Variants in SDK1 observed in about 807,000 individuals in gnomAD.
SDK1 encodes the protein protein sidekick-1.
SDK1 carries 157 observed loss-of-function variants against 245.5 expected under a neutral mutation model. The observed-to-expected ratio is 0.64, with a 90% CI of 0.56 to 0.73. SDK1 has a LOEUF of 0.73. SDK1 is among the 30% of genes least tolerant of loss of function. The probability of loss-of-function intolerance (pLI) is 0.00; values close to 1 mark genes in which losing one functional copy is unlikely to be tolerated. For synonymous variants in SDK1, 1,647 were observed against 1,278.5 expected (o/e 1.29, Z -6.15); for missense variants, 3,583 against 3,002.3 (o/e 1.19, Z -4.52).
chr7:3,794,146 T>G (rs1778904128), intron 4 of SDK1, among the ~76,000 whole-genome samples: 1 of 152,180 alleles, frequency 6.6e-6, no homozygotes, highest in African/African-American at 2.4e-5. Context: ...ATGAGGTATT[T>G]CAGATATGCA....
At chr7:3,898,527 G>A (rs1252078152) in intron 5 of SDK1, among the ~76,000 whole-genome samples, 2 of 152,062 alleles carry the variant, frequency 1.3e-5, no homozygotes, top group Admixed American at 6.6e-5. Context: ...TTTCTGATTG[G>A]TTTTAGACTC....
chr7:3,564,839 A>G (rs1322800055), intron 1 of SDK1, among the ~76,000 whole-genome samples: 1 of 152,064 alleles, frequency 6.6e-6, no homozygotes, highest in East Asian at 1.9e-4. Context: ...ATGTTCAGCA[A>G]TTTTCTGAAG....
At chr7:3,367,520 C>G (rs910321883) in intron 1 of SDK1, among the ~76,000 whole-genome samples, 3 of 152,198 alleles carry the variant, frequency 2.0e-5, no homozygotes, top group African/African-American at 7.2e-5. Context: ...CTATCCCATA[C>G]TTGTCATTTG....
At chr7:3,477,993 G>A (rs576465784) in intron 1 of SDK1, among the ~76,000 whole-genome samples, 1 of 152,154 alleles carries the variant, frequency 6.6e-6, no homozygotes, top group Admixed American at 6.5e-5. Context: ...TTTCCCATAT[G>A]TATTGAATTA....
intron 5 of SDK1, among the ~76,000 whole-genome samples, chr7:3,849,086 C>G (rs1780354343): frequency 6.6e-6 from 1 of 152,192 alleles, no homozygotes; most frequent in South Asian, 2.1e-4. Context: ...CGTCCTTTCT[C>G]TGTTTAGAGT....
intron 1 of SDK1, among the ~76,000 whole-genome samples, chr7:3,320,840 G>C (rs139808998): frequency 6.6e-6 from 1 of 152,042 alleles, no homozygotes. Flanking sequence ...AACAATTTTG[G>C]TATGTTTCAG....
chr7:3,349,195 A>AAC (rs968094559), intron 1 of SDK1, among the ~76,000 whole-genome samples: 2 of 151,314 alleles, frequency 1.3e-5, no homozygotes, highest in South Asian at 2.1e-4. Context: ...GTTTAAAAAA[A>AAC]AACAACAAAA....
intron 26 of SDK1, among the ~76,000 whole-genome samples, chr7:4,128,803 C>G (rs1317646780): frequency 3.9e-3 from 212 of 54,284 alleles, no homozygotes; most frequent in Non-Finnish European, 5.1e-3. Flanking sequence ...GAGGAGAGCA[C>G]CTTGGGGTAG....
intron 5 of SDK1, among the ~76,000 whole-genome samples, chr7:3,851,518 T>C (rs535876667): frequency 6.6e-6 from 1 of 152,204 alleles, no homozygotes; most frequent in Non-Finnish European, 1.5e-5. Flanking sequence ...TTAGCTATAT[T>C]TTGAAAATAC....
At chr7:3,662,767 A>G (rs1056464336) in intron 4 of SDK1, among the ~76,000 whole-genome samples, 11 of 152,198 alleles carry the variant, frequency 7.2e-5, no homozygotes, top group African/African-American at 1.7e-4. Context: ...TGAAATTTCA[A>G]ATGCTTCAAA....
intron 13 of SDK1, among the ~76,000 whole-genome samples, chr7:3,979,011 G>A (rs2128136058): frequency 6.6e-6 from 1 of 152,342 alleles, no homozygotes; most frequent in South Asian, 2.1e-4. Flanking sequence ...AGGCTGAGTG[G>A]AGGGGCGGCC....
intron 1 of SDK1, among the ~76,000 whole-genome samples, chr7:3,613,290 G>C (rs552171657): frequency 2.0e-5 from 3 of 152,278 alleles, no homozygotes; most frequent in Admixed American, 6.5e-5. Flanking sequence ...AGATAGATGG[G>C]TCATGGTCCC....
chr7:4,227,165 A>T lies in SDK1; in HGVS notation c.5827+5801A>T, dbSNP rs545730154. On this transcript the variant is annotated intron_variant, in intron 40 of 44. Transcript: ENST00000404826. ...AGGAAGAAAATCAGTATTTCTCTGAAGGTTTGACATCCATAGAAGTTCCAA... is the reference window on the plus strand; with the variant it reads ...AGGAAGAAAATCAGTATTTCTCTGATGGTTTGACATCCATAGAAGTTCCAA... The T allele has an allele frequency of 1.6e-4, 48 of 299,398 alleles. No homozygotes were observed. In the Admixed American group the frequency reaches 1.6e-3, roughly 10 times the overall value. 18.5% of individuals were successfully genotyped at this position (299,398 alleles called of 1,614,324 possible). A position where few individuals can be genotyped will look rare whatever the true frequency, so the allele number is the denominator to read the frequency against.
At chr7:4,150,845 G>A (rs551959539) in intron 30 of SDK1, among the ~76,000 whole-genome samples, 1 of 152,358 alleles carries the variant, frequency 6.6e-6, no homozygotes, top group South Asian at 2.1e-4. Flanking sequence ...TGAGGACCAG[G>A]CCCATGACAG....
At chr7:3,898,268 C>T (rs950438104) in intron 5 of SDK1, among the ~76,000 whole-genome samples, 3 of 152,126 alleles carry the variant, frequency 2.0e-5, no homozygotes, top group East Asian at 1.9e-4. Flanking sequence ...ACCTGAGAGT[C>T]GGGCACAGTT....
intron 5 of SDK1, among the ~76,000 whole-genome samples, chr7:3,846,193 C>G (rs1780274155): frequency 6.6e-6 from 1 of 152,002 alleles, no homozygotes; most frequent in Non-Finnish European, 1.5e-5. Context: ...GTGTGCCCAA[C>G]ACATGCATGT....
At chr7:4,198,577 G>T (rs764907511) in intron 35 of SDK1, among the ~76,000 whole-genome samples, 1 of 152,178 alleles carries the variant, frequency 6.6e-6, no homozygotes, top group Non-Finnish European at 1.5e-5. Context: ...GCATGTTGTT[G>T]GAGGCTGCTT....
chr7:3,308,387 G>C (rs1340226629), intron 1 of SDK1, among the ~76,000 whole-genome samples: 1 of 152,050 alleles, frequency 6.6e-6, no homozygotes, highest in Non-Finnish European at 1.5e-5. Context: ...ATGTTATGTT[G>C]GTTTAATTGT....
rs201188035 is a variant in SDK1, at chr7:3,974,492, C to T, written c.1941C>T (p.Cys647=). The change falls in exon 13 of 45, where the codon TGC becomes TGT. Residue 647 remains cysteine, a synonymous_variant. Coordinates refer to ENST00000404826, the MANE Select transcript of SDK1 (RefSeq NM_152744.4). ...CAGGCGACATCGGTGACTACAGCTG[C>T]GAGATTGTTTCTGAAGGAGGGAATG... ...TWSGDIGDYS[C]EIVSEGGNDS... is the part of the protein sequence containing the mutation. 9.9e-6 allele frequency: 16 copies of T among 1,614,096 alleles called. No homozygotes were observed. The highest frequency in any genetic ancestry group is 1.2e-5 in the Non-Finnish European group (14 of 1,180,036).
Sources: allele counts gnomAD v4.1 joint callset (sites outside exome capture counted in the v4.1 genomes callset), GRCh38; gene constraint gnomAD v4.1.1; transcripts MANE v1.5; gene names NCBI Gene and HGNC (gene_info 2026-07-23, HGNC 2026-07-21).